The following STRBP variants were observed in gnomAD, a reference collection of about 807,000 sequenced individuals.
The protein encoded by STRBP is spermatid perinuclear RNA-binding protein.
STRBP carries 13 observed loss-of-function variants against 80.1 expected under a neutral mutation model. The observed-to-expected ratio is 0.16, with a 90% CI of 0.11 to 0.26. STRBP has a LOEUF of 0.26. Among genes scored for constraint, STRBP ranks in the 10% least tolerant of loss-of-function variants. STRBP has a pLI of 1.00. For missense variants in STRBP, 485 were observed against 815.2 expected, an observed-to-expected ratio of 0.59 and a Z score of 4.93; for synonymous variants, 284 against 291.2, an observed-to-expected ratio of 0.98 and a Z score of 0.25.
chr9:123,121,793 T>C lies in STRBP; in HGVS notation c.*3804A>G, dbSNP rs988334130. On this transcript the variant is annotated 3_prime_UTR_variant, in exon 19 of 19. Transcript: ENST00000348403. ...TTACACATACAGATCCTACCAGCAC[T>C]ATTACCAACCTTGCTGCTTAGGAAA... The C allele has an allele frequency of 2.0e-5, 3 of 152,546 alleles. No individual in the cohort carries two copies. The highest frequency in any genetic ancestry group is 6.5e-5 in the Admixed American group (1 of 15,316). 9.4% of individuals were successfully genotyped at this position (152,546 alleles called of 1,614,324 possible).
chr9:123,261,144 T>C (rs1234351653), intron 1 of STRBP, among the ~76,000 whole-genome samples: 1 of 152,218 alleles, frequency 6.6e-6, no homozygotes, highest in East Asian at 1.9e-4. Context: ...CACCAGGCAC[T>C]GTGTGCATAC....
At chr9:123,215,762 A>G (rs990876733) in intron 2 of STRBP, among the ~76,000 whole-genome samples, 3 of 152,166 alleles carry the variant, frequency 2.0e-5, no homozygotes, top group African/African-American at 7.2e-5. Flanking sequence ...CCAGCCTGGG[A>G]GACAAGAGCG....
intron 18 of STRBP, 60 bp downstream of exon 18, chr9:123,128,154 T>C (rs371239597): frequency 1.2e-4 from 183 of 1,589,156 alleles, no homozygotes; most frequent in Non-Finnish European, 4.1e-5. Context: ...AGATAGAAAC[T>C]GTGCTTTGGA....
At chr9:123,129,954 A>G (rs1406365854) in intron 17 of STRBP, among the ~76,000 whole-genome samples, 2 of 152,240 alleles carry the variant, frequency 1.3e-5, no homozygotes, top group African/African-American at 4.8e-5. Context: ...TCAGAGGCCA[A>G]AAAAGAAATT....
chr9:123,122,594 G>A lies in STRBP; in HGVS notation c.*3003C>T, dbSNP rs751303722. The A allele has an allele frequency of 1.0e-5, 11 of 1,092,304 alleles. No homozygotes were observed. The highest frequency in any genetic ancestry group is 1.2e-5 in the Non-Finnish European group (11 of 894,074). The allele number at this position is 1,092,304 out of a possible 1,614,324, so 67.7% of individuals were successfully genotyped here. On this transcript the variant is annotated 3_prime_UTR_variant, in exon 19 of 19. Transcript: ENST00000348403. ...CCCATGCACTTCATCTAGTCAGCAT[G>A]AGGTATGTTGGAAATCTACTGGACC...
At chr9:123,142,149 T>C (rs1325426462) in intron 13 of STRBP, among the ~76,000 whole-genome samples, 1 of 152,196 alleles carries the variant, frequency 6.6e-6, no homozygotes, top group Non-Finnish European at 1.5e-5. Context: ...TCATGTCAAA[T>C]TGAAATCCCC....
intron 1 of STRBP, among the ~76,000 whole-genome samples, chr9:123,259,634 G>A (rs546514326): frequency 1.4e-4 from 21 of 152,182 alleles, no homozygotes; most frequent in South Asian, 4.2e-4. Flanking sequence ...GCTTGAACCC[G>A]GGCAGCAGAG....
At chr9:123,159,321 A>C (rs2132393547) in intron 8 of STRBP, 114 bp from the exon 9 acceptor site, 2 of 636,520 alleles carry the variant, frequency 3.1e-6, no homozygotes, top group Admixed American at 6.0e-5. Flanking sequence ...AATTCAATTT[A>C]ACATTTAGGA....
chr9:123,152,712 C>G (rs761695884), intron 11 of STRBP, among the ~76,000 whole-genome samples: 1 of 151,826 alleles, frequency 6.6e-6, no homozygotes, highest in Non-Finnish European at 1.5e-5. Context: ...AGTGGTTTCC[C>G]GGGATTAGGG....
At chr9:123,244,812 C>A (rs2040766329) in intron 1 of STRBP, among the ~76,000 whole-genome samples, 1 of 152,106 alleles carries the variant, frequency 6.6e-6, no homozygotes, top group Admixed American at 6.5e-5. Context: ...GCATTTATCC[C>A]AAAGAAATGG....
At chr9:123,175,310 C>T (rs900178827) in intron 4 of STRBP, among the ~76,000 whole-genome samples, 2 of 152,170 alleles carry the variant, frequency 1.3e-5, no homozygotes, top group African/African-American at 4.8e-5. Flanking sequence ...CTGACTTCAG[C>T]AGAATCTTGA....
At position 123,115,729 on chromosome 9, in the gene STRBP, C is replaced by T. The variant is rs998471831; in HGVS notation, c.*84+200G>A. ...AAACTGACATTCCACAGCATTTCCT[C>T]TTTGCCGTCCACACAACCGGCTTCT... is the stretch of plus-strand genomic sequence containing the variant. On this transcript the variant is annotated intron_variant and NMD_transcript_variant, in intron 3 of 3. Coordinates refer to the STRBP transcript ENST00000471564. This position sits in a 1 kb window ranked among gnomAD's most constrained non-coding sequence, Gnocchi z 5.0. 8.9e-6 allele frequency: 3 copies of T among 336,328 alleles called. No homozygotes were observed. The highest frequency in any genetic ancestry group is 1.2e-5 in the Non-Finnish European group (2 of 171,072). 20.8% of individuals were successfully genotyped at this position (336,328 alleles called of 1,614,324 possible).
intron 2 of STRBP, among the ~76,000 whole-genome samples, chr9:123,220,082 C>T (rs1352048972): frequency 6.6e-6 from 1 of 151,936 alleles, no homozygotes; most frequent in African/African-American, 2.4e-5. Flanking sequence ...AAAATTATTA[C>T]AGATAAAAAA....
chr9:123,216,631 C>T (rs143228966), intron 2 of STRBP, among the ~76,000 whole-genome samples: 114 of 152,264 alleles, frequency 7.5e-4, no homozygotes, highest in Middle Eastern at 3.4e-3. Context: ...GTCCTGACCA[C>T]GATTCATTCT....
chr9:123,199,135 T>A (rs1173993821), intron 2 of STRBP, among the ~76,000 whole-genome samples: 2 of 152,124 alleles, frequency 1.3e-5, no homozygotes, highest in East Asian at 3.9e-4. Context: ...TGGGGTTTCA[T>A]CATTTTGGCC....
At chr9:123,118,919 T>A (rs2035687076), downstream of STRBP, among the ~76,000 whole-genome samples, 2 of 152,154 alleles carry the variant, frequency 1.3e-5, no homozygotes, top group African/African-American at 4.8e-5. Context: ...AAAGCATCAA[T>A]TTCATCATGT....
intron 1 of STRBP, among the ~76,000 whole-genome samples, chr9:123,262,388 C>A (rs184336454): frequency 8.1e-4 from 123 of 152,264 alleles, no homozygotes; most frequent in Non-Finnish European, 1.6e-3. Context: ...TGCTGATCTG[C>A]CCAATAGGAT....
At position 123,115,735 on chromosome 9, in the gene STRBP, C is replaced by T. The variant is rs1049418585; in HGVS notation, c.*84+194G>A. On this transcript the variant is annotated intron_variant and NMD_transcript_variant, in intron 3 of 3. Coordinates refer to the STRBP transcript ENST00000471564. The surrounding 1 kb of genome is among the most constrained non-coding windows in gnomAD (Gnocchi z 5.0). ...ACATTCCACAGCATTTCCTCTTTGC[C>T]GTCCACACAACCGGCTTCTTGCTTG... 5 of 334,584 alleles carry T rather than the reference C, an allele frequency of 1.5e-5. No individual in the cohort carries two copies. The highest frequency in any genetic ancestry group is 4.0e-5 in the Admixed American group (1 of 25,064). The allele number at this position is 334,584 out of a possible 1,614,324, so 20.7% of individuals were successfully genotyped here.
intron 11 of STRBP, among the ~76,000 whole-genome samples, chr9:123,156,693 A>AC (rs1191407079): frequency 6.6e-6 from 1 of 150,806 alleles, no homozygotes; most frequent in African/African-American, 2.5e-5. Flanking sequence ...AAAAAAAAAA[A>AC]CCCCTTAATA....
Sources: allele counts gnomAD v4.1 joint callset (sites outside exome capture counted in the v4.1 genomes callset), GRCh38; gene constraint gnomAD v4.1.1; non-coding constraint Gnocchi (gnomAD v3.1); transcripts MANE v1.5; gene names NCBI Gene and HGNC (gene_info 2026-07-23, HGNC 2026-07-21).